The following CNTN1 variants were observed in gnomAD, a reference collection of about 807,000 sequenced individuals.
The protein encoded by CNTN1 is contactin-1.
A neutral mutation model predicts 126.4 loss-of-function variants in CNTN1; 38 were observed. That is an observed-to-expected ratio of 0.30 (90% CI 0.23 to 0.39). The LOEUF (loss-of-function observed/expected upper bound fraction) is 0.39, where lower values mean the gene tolerates loss of function less well. Among genes scored for constraint, CNTN1 ranks in the 10% least tolerant of loss-of-function variants. CNTN1 has a pLI of 1.00. For missense variants in CNTN1, 1,009 were observed against 1,248.4 expected (o/e 0.81, Z 2.89); for synonymous variants, 413 against 422.6 (o/e 0.98, Z 0.28).
chr12:40,834,622 T>A (rs1941978894), intron 1 of CNTN1, among the ~76,000 whole-genome samples: 1 of 152,070 alleles, frequency 6.6e-6, no homozygotes, highest in Admixed American at 6.5e-5. Flanking sequence ...AGGCAGCCAA[T>A]AAGTGAATTA....
intron 1 of CNTN1, among the ~76,000 whole-genome samples, chr12:40,787,895 T>A (rs1373187356): frequency 6.6e-6 from 1 of 152,160 alleles, no homozygotes; most frequent in Non-Finnish European, 1.5e-5. Context: ...AAATATATAA[T>A]GTGGCATCTC....
chr12:40,773,498 A>C (rs544149340), intron 1 of CNTN1, among the ~76,000 whole-genome samples: 1 of 151,356 alleles, frequency 6.6e-6, no homozygotes, highest in East Asian at 1.9e-4. Flanking sequence ...TGACTTTCAT[A>C]TGTTAAATCT....
rs1270460895 is a variant in CNTN1 at position 40,831,111 on chromosome 12, T to C, written c.-76-77246T>C. On this transcript the variant is annotated intron_variant, in intron 1 of 23. Coordinates refer to ENST00000551295, the MANE Select transcript of CNTN1 (RefSeq NM_001843.4). Reference sequence around the variant, plus strand: ...CTATATATACTATACATATATAGTATACTATATATACTGTAAATATCTATA... The same window carrying C: ...CTATATATACTATACATATATAGTACACTATATATACTGTAAATATCTATA... Among the ~76,000 whole-genome samples, 3 of 146,426 alleles carry C rather than the reference T, an allele frequency of 2.0e-5. No individual in the cohort carries two copies. In the East Asian group the frequency reaches 5.9e-4, roughly 29 times the overall value.
At chr12:40,829,705 A>C (rs1941743655) in intron 1 of CNTN1, among the ~76,000 whole-genome samples, 3 of 152,156 alleles carry the variant, frequency 2.0e-5, no homozygotes, top group Admixed American at 2.0e-4. Context: ...GAGGAAACTC[A>C]CACCTGAAGT....
intron 1 of CNTN1, among the ~76,000 whole-genome samples, chr12:40,707,227 C>CTTTTCTTTTTTT (rs1941782316): frequency 9.2e-6 from 1 of 109,166 alleles, no homozygotes; most frequent in African/African-American, 3.8e-5. Flanking sequence ...TTTTCTTTTT[C>CTTTTCTTTTTTT]TTTTTTTTTT....
chr12:41,030,189 TA>T (rs1241231290), intron 23 of CNTN1, among the ~76,000 whole-genome samples: 1 of 150,320 alleles, frequency 6.7e-6, no homozygotes, highest in Non-Finnish European at 1.5e-5. Context: ...TTAAGAAAAC[TA>T]AAAAAAAAGA....
chr12:41,045,253 C>G (rs974076883), intron 23 of CNTN1, among the ~76,000 whole-genome samples: 3 of 152,040 alleles, frequency 2.0e-5, no homozygotes, highest in African/African-American at 7.2e-5. Flanking sequence ...ATCAGATTAT[C>G]TTTAATAGAT....
chr12:40,900,483 GC>G (rs1342441195), intron 1 of CNTN1, among the ~76,000 whole-genome samples: 1 of 152,112 alleles, frequency 6.6e-6, no homozygotes, highest in Non-Finnish European at 1.5e-5. Flanking sequence ...TTGAGAAAAT[GC>G]AGAAAAGCCC....
At chr12:40,784,285 T>C (rs192832001) in intron 1 of CNTN1, among the ~76,000 whole-genome samples, 2 of 152,272 alleles carry the variant, frequency 1.3e-5, no homozygotes, top group East Asian at 3.9e-4. Context: ...GGTCTGCTAC[T>C]TACTTTTCTC....
intron 1 of CNTN1, among the ~76,000 whole-genome samples, chr12:40,709,036 G>C (rs1034026105): frequency 6.6e-6 from 1 of 152,090 alleles, no homozygotes; most frequent in Admixed American, 6.6e-5. Flanking sequence ...CTTTTCAAAA[G>C]ATTTTTAACT....
chr12:41,062,833 T>C (rs575988826), intron 23 of CNTN1, among the ~76,000 whole-genome samples: 29 of 152,306 alleles, frequency 1.9e-4, no homozygotes, highest in African/African-American at 7.0e-4. Flanking sequence ...TGCCACAAAA[T>C]TTAATAAAAT....
intron 1 of CNTN1, among the ~76,000 whole-genome samples, chr12:40,700,002 G>A (rs980860469): frequency 2.0e-5 from 3 of 151,862 alleles, no homozygotes; most frequent in African/African-American, 7.3e-5. Flanking sequence ...ACCTATATAG[G>A]GTTTTTACTT....
chr12:40,940,078 T>C (rs1158081000), intron 12 of CNTN1, among the ~76,000 whole-genome samples: 2 of 152,090 alleles, frequency 1.3e-5, no homozygotes. Context: ...ACTGAATAGT[T>C]TATATGTATC....
At chr12:40,935,046 AC>A (rs1946032619) in intron 9 of CNTN1, among the ~76,000 whole-genome samples, 1 of 151,786 alleles carries the variant, frequency 6.6e-6, no homozygotes. Flanking sequence ...CCATCTGTGA[AC>A]CCCATCTCCA....
intron 7 of CNTN1, among the ~76,000 whole-genome samples, chr12:40,932,889 G>C (rs1945940353): frequency 6.6e-6 from 1 of 151,970 alleles, no homozygotes; most frequent in Non-Finnish European, 1.5e-5. Context: ...CTGTAAGCCT[G>C]AAGGATTAAT....
intron 6 of CNTN1, among the ~76,000 whole-genome samples, chr12:40,924,886 A>G (rs1358127574): frequency 6.9e-6 from 1 of 145,456 alleles, no homozygotes; most frequent in Non-Finnish European, 1.5e-5. Context: ...ATAAACATAT[A>G]TATATATATA....
chr12:40,753,694 ACAATT>A (rs1222118685), intron 1 of CNTN1, among the ~76,000 whole-genome samples: 1 of 152,126 alleles, frequency 6.6e-6, no homozygotes, highest in Non-Finnish European at 1.5e-5. Flanking sequence ...TATGGGAACT[ACAATT>A]CAAGATGAGA....
chr12:40,917,470 A>G (rs1221323812), intron 3 of CNTN1, among the ~76,000 whole-genome samples: 4 of 152,150 alleles, frequency 2.6e-5, no homozygotes, highest in Admixed American at 2.0e-4. Context: ...ATGTTACTGA[A>G]ACAAGATTTA....
chr12:41,028,622 A>G (rs982593160), intron 22 of CNTN1, among the ~76,000 whole-genome samples: 6 of 152,202 alleles, frequency 3.9e-5, no homozygotes, highest in South Asian at 2.1e-4. Context: ...AAAGGAGAAA[A>G]GCTTATTTTA....
Sources: allele counts gnomAD v4.1 joint callset (sites outside exome capture counted in the v4.1 genomes callset), GRCh38; gene constraint gnomAD v4.1.1; transcripts MANE v1.5; gene names NCBI Gene and HGNC (gene_info 2026-07-23, HGNC 2026-07-21).